Variants in TMBIM6 observed in about 807,000 individuals in gnomAD.
TMBIM6 encodes bax inhibitor 1.
Under a neutral mutation model 31.4 loss-of-function variants are expected in TMBIM6, and 13 were observed. The observed-to-expected ratio is 0.41, with a 90% CI of 0.27 to 0.66. TMBIM6 has a LOEUF of 0.66. Ranked by LOEUF, TMBIM6 falls within the 30% of genes least tolerant of loss-of-function variation. TMBIM6 has a pLI of 0.28. For missense variants in TMBIM6, 275 were observed against 289.5 expected (o/e 0.95, Z 0.36); for synonymous variants, 85 against 101.7 (o/e 0.84, Z 0.99).
At chr12:49,758,340 G>A (rs754333146) in intron 5 of TMBIM6, 43 bp from the exon 6 acceptor site, 11 of 1,613,180 alleles carry the variant, frequency 6.8e-6, no homozygotes, top group East Asian at 2.2e-5. Flanking sequence ...AATGTAGACC[G>A]TATACCTGTA....
At chr12:49,752,110 T>C (rs1414854082) in intron 1 of TMBIM6, among the ~76,000 whole-genome samples, 1 of 152,208 alleles carries the variant, frequency 6.6e-6, no homozygotes, top group African/African-American at 2.4e-5. Flanking sequence ...ATAAAATTGC[T>C]TTATGTGCCA....
intron 7 of TMBIM6, 73 bp from the exon 8 acceptor site, chr12:49,759,148 C>T (rs1945664043): frequency 1.5e-6 from 2 of 1,301,230 alleles, no homozygotes; most frequent in South Asian, 2.4e-5. Flanking sequence ...TGACTATGAG[C>T]CAGAAAGTAT....
At chr12:49,754,232 G>A (rs962222342) in intron 3 of TMBIM6, among the ~76,000 whole-genome samples, 32 of 152,066 alleles carry the variant, frequency 2.1e-4, no homozygotes, top group African/African-American at 7.2e-4. Context: ...ATTGATCCTC[G>A]CACCTCAGCC....
chr12:49,755,600 A>G, intron 3 of TMBIM6, 35 bp from the exon 4 acceptor site: 1 of 1,604,244 alleles, frequency 6.2e-7, no homozygotes, highest in Non-Finnish European at 8.5e-7. Flanking sequence ...GAAACTTTCA[A>G]GTGTTTAATG....
chr12:49,746,028 A>G (rs1019517446), intron 1 of TMBIM6, among the ~76,000 whole-genome samples: 4 of 151,836 alleles, frequency 2.6e-5, no homozygotes, highest in African/African-American at 7.3e-5. Flanking sequence ...TTTTACCAGT[A>G]ATGAGATTTT....
At chr12:49,758,959 G>T in intron 7 of TMBIM6, 197 bp downstream of exon 7, 1 of 644,984 alleles carries the variant, frequency 1.6e-6, no homozygotes, top group Non-Finnish European at 2.7e-6. Context: ...AGAGAAAATG[G>T]TTTGCTCAGA....
At chr12:49,755,518 A>G (rs1388449089) in intron 3 of TMBIM6, 117 bp from the exon 4 acceptor site, 5 of 1,314,900 alleles carry the variant, frequency 3.8e-6, no homozygotes, top group Non-Finnish European at 5.2e-6. Context: ...TCCTGCCTCC[A>G]GGTTATAAGC....
chr12:49,754,013 C>A (rs1945543536), intron 3 of TMBIM6, among the ~76,000 whole-genome samples: 1 of 151,680 alleles, frequency 6.6e-6, no homozygotes, highest in Admixed American at 6.6e-5. Flanking sequence ...AGTTGAGTCA[C>A]CCTGCTGTTG....
At position 49,763,606 on chromosome 12, in the gene TMBIM6, C is replaced by G. The variant is rs1390944917; in HGVS notation, c.*710C>G. 6.6e-6 allele frequency: 1 copy of G among 152,240 alleles called. No homozygotes were observed. The highest frequency in any genetic ancestry group is 1.5e-5 in the Non-Finnish European group (1 of 68,054). The allele number at this position is 152,240 out of a possible 1,614,324, so 9.4% of individuals were successfully genotyped here. On this transcript the variant is annotated 3_prime_UTR_variant, in exon 10 of 10. Transcript: ENST00000267115. ...AAAGGAAAGACTAATTCTTGTCAGG[C>G]ATTTTTGAAAAGGCTGATTATGTGT... is the stretch of plus-strand genomic sequence containing the variant.
chr12:49,745,735 A>AAAAAAAAACAAAAAAAAAC (rs375099364), intron 1 of TMBIM6, among the ~76,000 whole-genome samples: 3 of 150,506 alleles, frequency 2.0e-5, no homozygotes, highest in African/African-American at 7.5e-5. Context: ...AAAAAAAAAA[A>AAAAAAAAACAAAAAAAAAC]CCCAGCACAT....
intron 3 of TMBIM6, among the ~76,000 whole-genome samples, chr12:49,754,894 G>A (rs1482862183): frequency 6.6e-6 from 1 of 152,144 alleles, no homozygotes; most frequent in African/African-American, 2.4e-5. Flanking sequence ...TAACATTTTA[G>A]TACTTTGCAG....
chr12:49,747,834 G>A (rs944625486), intron 1 of TMBIM6, among the ~76,000 whole-genome samples: 3 of 152,088 alleles, frequency 2.0e-5, no homozygotes, highest in African/African-American at 7.2e-5. Context: ...GGCTACTTCA[G>A]CATGTTTCAT....
At chr12:49,746,005 C>G (rs1197915335) in intron 1 of TMBIM6, among the ~76,000 whole-genome samples, 1 of 151,654 alleles carries the variant, frequency 6.6e-6, no homozygotes, top group African/African-American at 2.4e-5. Context: ...CATTGTAAAT[C>G]GAGCATCTAT....
chr12:49,752,501 T>C lies in TMBIM6; in HGVS notation c.8T>C (p.Ile3Thr). Residue 3 changes from isoleucine to threonine, a missense_variant, in exon 2 of 10, where the codon ATA becomes ACA. Physicochemically the swap from Ile to Thr is moderately conservative, Grantham distance 89. Coordinates refer to ENST00000267115, the MANE Select transcript of TMBIM6 (RefSeq NM_003217.3). ...TGCACGGACTCTGGAACCATGAACA[T>C]ATTTGATCGAAAGATCAACTTTGAT... MN[I>T]FDRKINFDAL... The C allele has an allele frequency of 6.2e-7, 1 of 1,613,510 alleles. No homozygotes were observed. Among genetic ancestry groups the C allele is most frequent in the Middle Eastern group, 1.7e-4 (1 of 6,060 alleles).
At chr12:49,755,581 A>G (rs1945573512) in intron 3 of TMBIM6, 54 bp from the exon 4 acceptor site, 7 of 1,600,240 alleles carry the variant, frequency 4.4e-6, no homozygotes, top group Non-Finnish European at 8.5e-7. Context: ...TCTCTTGCAA[A>G]ATAAATTTGA....
intron 1 of TMBIM6, among the ~76,000 whole-genome samples, chr12:49,749,380 C>T (rs1945452840): frequency 6.6e-6 from 1 of 151,942 alleles, no homozygotes; most frequent in Non-Finnish European, 1.5e-5. Flanking sequence ...AAAACCCCAT[C>T]ATAAGTTGAA....
chr12:49,742,071 T>C lies in TMBIM6; in HGVS notation c.-31+460T>C, dbSNP rs554763628. On this transcript the variant is annotated intron_variant, in intron 1 of 9. Coordinates refer to ENST00000267115, the MANE Select transcript of TMBIM6 (RefSeq NM_003217.3). ...GCTGTTCGGCTGCGGGCGGGTCCTT[T>C]GGTCGGGCTGACCCTGGGTGAGCGG... 60 of 1,566,290 alleles carry C rather than the reference T, an allele frequency of 3.8e-5. No homozygotes were observed. The Admixed American group carries it at 9.6e-4, about 25-fold the overall frequency.
intron 1 of TMBIM6, among the ~76,000 whole-genome samples, chr12:49,748,944 G>A (rs1945444783): frequency 6.6e-6 from 1 of 152,126 alleles, no homozygotes; most frequent in African/African-American, 2.4e-5. Flanking sequence ...ATGTTAGCGA[G>A]TTACTTGGTT....
intron 4 of TMBIM6, among the ~76,000 whole-genome samples, chr12:49,756,408 A>G (rs1277389758): frequency 6.8e-6 from 1 of 146,964 alleles, no homozygotes; most frequent in Non-Finnish European, 1.5e-5. Flanking sequence ...TGTTAGGATG[A>G]CAGGCGTGAG....
Sources: gnomAD v4.1 joint callset for allele counts (sites outside exome capture counted in the v4.1 genomes callset) on GRCh38, gnomAD v4.1.1 for gene constraint, MANE v1.5 for transcripts, NCBI Gene and HGNC (gene_info 2026-07-23, HGNC 2026-07-21) for gene names.